Variants in ASIC2 observed in about 807,000 individuals in gnomAD.
The protein encoded by ASIC2 is acid sensing ion channel subunit 2.
ASIC2 carries 25 observed loss-of-function variants against 57.3 expected under a neutral mutation model. The observed-to-expected ratio is 0.44, with a 90% CI of 0.32 to 0.61. ASIC2 has a LOEUF of 0.61. ASIC2 is among the 20% of genes least tolerant of loss of function. The pLI, the probability that ASIC2 is intolerant of heterozygous loss-of-function variation, is 0.06. For synonymous variants in ASIC2, 319 were observed against 307.5 expected (o/e 1.04, Z -0.39); for missense variants, 641 against 738.1 (o/e 0.87, Z 1.52).
At chr17:33,670,436 A>C (rs1907606690) in intron 1 of ASIC2, among the ~76,000 whole-genome samples, 1 of 152,242 alleles carries the variant, frequency 6.6e-6, no homozygotes, top group Non-Finnish European at 1.5e-5. Flanking sequence ...TTAAATGAAG[A>C]GAAAAAGTGA....
intron 1 of ASIC2, among the ~76,000 whole-genome samples, chr17:33,884,181 G>T (rs1914770206): frequency 6.6e-6 from 1 of 152,166 alleles, no homozygotes; most frequent in Non-Finnish European, 1.5e-5. Flanking sequence ...CTGAAGATTG[G>T]TTGTGGCCAG....
chr17:33,490,673 C>T (rs1296033369), intron 1 of ASIC2, among the ~76,000 whole-genome samples: 1 of 152,202 alleles, frequency 6.6e-6, no homozygotes, highest in Non-Finnish European at 1.5e-5. Context: ...ATTGCGAGGC[C>T]TCCCCAGCCA....
chr17:33,151,196 C>T (rs1248676821), intron 1 of ASIC2, among the ~76,000 whole-genome samples: 65 of 149,512 alleles, frequency 4.3e-4, no homozygotes, highest in African/African-American at 1.5e-3. Flanking sequence ...CACACACACA[C>T]ACACGCGCGC....
rs1046230658 is a variant in ASIC2, at chr17:33,015,311, G to A, written c.1590+660C>T. 2.6e-5 allele frequency among the ~76,000 whole-genome samples: 4 copies of A among 152,190 alleles called. No individual in the cohort carries two copies. The East Asian group carries it at 7.7e-4, about 29-fold the overall frequency. On this transcript the variant is annotated intron_variant, in intron 9 of 9. Coordinates refer to ENST00000225823, the MANE Select transcript of ASIC2 (RefSeq NM_183377.2). ...GAAGGCCTGAGCCCAGGAGTAGACTGAGTTTTGGAAGCAGAATGACCAACA... is the reference window on the plus strand; with the variant it reads ...GAAGGCCTGAGCCCAGGAGTAGACTAAGTTTTGGAAGCAGAATGACCAACA...
chr17:33,561,153 A>G (rs1285861750), intron 1 of ASIC2, among the ~76,000 whole-genome samples: 2 of 152,180 alleles, frequency 1.3e-5, no homozygotes, highest in Non-Finnish European at 2.9e-5. Context: ...AGGCCCACTC[A>G]TTACTGGTAA....
At chr17:33,254,891 C>T (rs1390277390) in intron 1 of ASIC2, among the ~76,000 whole-genome samples, 1 of 152,058 alleles carries the variant, frequency 6.6e-6, no homozygotes, top group Non-Finnish European at 1.5e-5. Flanking sequence ...AGAAAATACA[C>T]CAGCATGCTA....
chr17:33,560,953 C>T (rs1916054315), intron 1 of ASIC2, among the ~76,000 whole-genome samples: 1 of 152,290 alleles, frequency 6.6e-6, no homozygotes, highest in South Asian at 2.1e-4. Flanking sequence ...CAAAATACCA[C>T]ATCGCCTCCC....
intron 1 of ASIC2, among the ~76,000 whole-genome samples, chr17:33,613,845 T>A (rs1408304470): frequency 6.6e-6 from 1 of 152,202 alleles, no homozygotes; most frequent in Admixed American, 6.5e-5. Flanking sequence ...GGTAGCACTA[T>A]CATTTATTTA....
chr17:33,352,291 G>A (rs1567832321), intron 1 of ASIC2, among the ~76,000 whole-genome samples: 1 of 152,070 alleles, frequency 6.6e-6, no homozygotes, highest in Non-Finnish European at 1.5e-5. Context: ...TTGGTGACTA[G>A]CCCTGTTCTC....
intron 1 of ASIC2, among the ~76,000 whole-genome samples, chr17:33,400,027 T>C (rs34142175): frequency 0.33 from 49,577 of 152,144 alleles, 8,583 homozygotes; most frequent in East Asian, 0.7. Flanking sequence ...TCTGCACAGG[T>C]CTGGGCCAGA....
At chr17:34,070,585 C>T (rs964580334) in intron 1 of ASIC2, 11 of 152,200 alleles carry the variant, frequency 7.2e-5, no homozygotes, top group African/African-American at 2.7e-4. Context: ...ACTCCATAGG[C>T]TCCCTGAGTC....
intron 1 of ASIC2, among the ~76,000 whole-genome samples, chr17:33,407,797 C>A (rs1243254490): frequency 1.3e-5 from 2 of 152,180 alleles, no homozygotes; most frequent in Non-Finnish European, 2.9e-5. Flanking sequence ...ATTCTGGGAA[C>A]CAGGTTGGGA....
chr17:33,314,423 G>C (rs575096408), intron 1 of ASIC2, among the ~76,000 whole-genome samples: 1 of 152,310 alleles, frequency 6.6e-6, no homozygotes, highest in Admixed American at 6.5e-5. Flanking sequence ...GTATTCTTGA[G>C]ATGCGGATTC....
intron 1 of ASIC2, among the ~76,000 whole-genome samples, chr17:33,863,192 C>T (rs1914140704): frequency 6.6e-6 from 1 of 152,262 alleles, no homozygotes; most frequent in Non-Finnish European, 1.5e-5. Flanking sequence ...GGCCACATAG[C>T]TTGCAGCAGT....
intron 1 of ASIC2, chr17:33,816,809 C>T (rs1912597169): frequency 6.6e-6 from 1 of 152,230 alleles, no homozygotes; most frequent in African/African-American, 2.4e-5. Flanking sequence ...TGCCAGTAAG[C>T]ATATTAATGG....
intron 1 of ASIC2, among the ~76,000 whole-genome samples, chr17:33,725,732 CT>C (rs1555554941): frequency 1.1e-4 from 12 of 110,052 alleles, no homozygotes; most frequent in African/African-American, 2.8e-4. Flanking sequence ...CCCCCCCCCC[CT>C]TTTTTTATGC....
intron 1 of ASIC2, among the ~76,000 whole-genome samples, chr17:33,256,539 G>A (rs1320701236): frequency 6.6e-6 from 1 of 152,070 alleles, no homozygotes; most frequent in Admixed American, 6.6e-5. Context: ...TTTTACTGTA[G>A]GGCCAGGCAC....
At chr17:33,435,228 G>T (rs1296030797) in intron 1 of ASIC2, among the ~76,000 whole-genome samples, 6 of 152,296 alleles carry the variant, frequency 3.9e-5, no homozygotes, top group African/African-American at 1.2e-4. Context: ...CTGGTACACA[G>T]ATTTTGGTAT....
intron 1 of ASIC2, among the ~76,000 whole-genome samples, chr17:33,222,242 T>C (rs931675416): frequency 2.0e-5 from 3 of 152,210 alleles, no homozygotes; most frequent in African/African-American, 7.2e-5. Context: ...TGGAATATTA[T>C]TTAACAATGA....
Sources: gnomAD v4.1 joint callset for allele counts (sites outside exome capture counted in the v4.1 genomes callset) on GRCh38, gnomAD v4.1.1 for gene constraint, MANE v1.5 for transcripts, NCBI Gene and HGNC (gene_info 2026-07-23, HGNC 2026-07-21) for gene names.